The following SEC24D variants were observed in gnomAD, a reference collection of about 807,000 sequenced individuals.
SEC24D encodes the protein SEC24 homolog D, COPII component, also known as protein transport protein Sec24D.
A neutral mutation model predicts 116.9 loss-of-function variants in SEC24D; 69 were observed. That is an observed-to-expected ratio of 0.59 (90% CI 0.49 to 0.72). The LOEUF (loss-of-function observed/expected upper bound fraction) is 0.72, where lower values mean the gene tolerates loss of function less well. Among genes scored for constraint, SEC24D ranks in the 30% least tolerant of loss-of-function variants. The pLI is 0.00. For synonymous variants in SEC24D, 405 were observed against 442.8 expected, an observed-to-expected ratio of 0.91 and a Z score of 1.07; for missense variants, 1,131 against 1,264.1, an observed-to-expected ratio of 0.89 and a Z score of 1.60.
At chr4:118,834,412 G>A (rs1397926737) in intron 1 of SEC24D, among the ~76,000 whole-genome samples, 2 of 151,994 alleles carry the variant, frequency 1.3e-5, no homozygotes, top group Admixed American at 6.6e-5. Flanking sequence ...ATATTTAGGG[G>A]ACTAAGGAAA....
intron 2 of SEC24D, among the ~76,000 whole-genome samples, chr4:118,828,121 T>G (rs1307515945): frequency 6.6e-6 from 1 of 152,028 alleles, no homozygotes; most frequent in East Asian, 1.9e-4. Flanking sequence ...TACTTTTTTT[T>G]TTTTTGAGAC....
Position 118,815,668 on chromosome 4 carries a change from C to T in SEC24D, c.456G>A (p.Leu152=). 1 of 1,614,044 alleles carries T rather than the reference C, an allele frequency of 6.2e-7. No homozygotes were observed. Among genetic ancestry groups the T allele is most frequent in the South Asian group, 1.1e-5 (1 of 91,062 alleles). ...GCTGTGGAGGTCGTGGAGGAGTCTG[C>T]AATGATGTGGCTGACAGAGGGCCAG... ...GPPGPLSATS[L]QTPPRPPQPS... The change falls in exon 5 of 23, where the codon TTG becomes TTA. Residue 152 remains leucine, a synonymous_variant. Transcript: ENST00000280551.
intron 2 of SEC24D, among the ~76,000 whole-genome samples, chr4:118,829,875 T>G (rs751913995): frequency 6.6e-6 from 1 of 150,716 alleles, no homozygotes; most frequent in Admixed American, 6.6e-5. Flanking sequence ...TAAGCATAAA[T>G]GGAGATACGA....
chr4:118,811,036 A>G (rs1370732424), intron 6 of SEC24D, among the ~76,000 whole-genome samples: 4 of 152,206 alleles, frequency 2.6e-5, no homozygotes, highest in Non-Finnish European at 5.9e-5. Flanking sequence ...CTGAGAATTG[A>G]CCATTAGATT....
chr4:118,805,971 C>G lies in SEC24D; in HGVS notation c.802-17G>C. On this transcript the variant is annotated splice_polypyrimidine_tract_variant and intron_variant, in intron 6 of 22. Transcript: ENST00000280551. ...CACCTGGATCTGATAAATAAGACAT[C>G]AAGAGCCCGTTAAAGTAGGTTCCAG... 1 of 1,531,126 alleles carries G rather than the reference C, an allele frequency of 6.5e-7. No homozygotes were observed. The highest frequency in any genetic ancestry group is 1.2e-5 in the South Asian group (1 of 85,066). The allele number at this position is 1,531,126 out of a possible 1,614,324, so 94.8% of individuals were successfully genotyped here.
rs1730115679 is a variant in SEC24D, at chr4:118,815,690, C to T, written c.434G>A (p.Gly145Asp). The change falls in exon 5 of 23, where the codon GGC becomes GAC. Residue 145 changes from glycine (G) to aspartate (D), a missense_variant. By Grantham distance (94) the Gly-to-Asp change is moderately conservative. Transcript: ENST00000280551. ...GMAPPSQGPPGPLSATSLQTP... is the reference protein window; with the variant it reads ...GMAPPSQGPPDPLSATSLQTP... ...CTGCAATGATGTGGCTGACAGAGGG[C>T]CAGGGGGTCCCTGGCTTGGAGGAGC... The T allele has an allele frequency of 3.1e-6, 5 of 1,614,028 alleles. No individual in the cohort carries two copies. Among genetic ancestry groups the T allele is most frequent in the Middle Eastern group, 1.6e-4 (1 of 6,062 alleles).
At chr4:118,810,074 C>CTCTGTGTG (rs776835322) in intron 6 of SEC24D, among the ~76,000 whole-genome samples, 42 of 38,610 alleles carry the variant, frequency 1.1e-3, no homozygotes, top group Non-Finnish European at 1.5e-3. Flanking sequence ...TCAGAGGTAG[C>CTCTGTGTG]TGTGTGTGTG....
chr4:118,725,792 G>C (rs553596451), intron 22 of SEC24D, among the ~76,000 whole-genome samples: 1 of 152,296 alleles, frequency 6.6e-6, no homozygotes, highest in South Asian at 2.1e-4. Flanking sequence ...ACAGGTGTCA[G>C]GATGACACAG....
rs1488777499 is a variant in SEC24D, at chr4:118,731,326, T to C, written c.2858A>G (p.Asn953Ser). The C allele has an allele frequency of 1.2e-6, 2 of 1,609,670 alleles. No homozygotes were observed. The highest frequency in any genetic ancestry group is 1.7e-5 in the Admixed American group (1 of 60,024). Reference protein sequence around the residue: ...IFNVPSFAHINTDMTLLPEVG... With the variant: ...IFNVPSFAHISTDMTLLPEVG... ...GAAAATAATACTTACCATATCTGTG[T>C]TGATATGTGCAAAAGATGGCACATT... The change falls in exon 21 of 23, where the codon AAC becomes AGC. Residue 953 changes from asparagine (N) to serine (S), a missense_variant. Asn to Ser is a conservative substitution (Grantham distance 46). Transcript: ENST00000280551.
In SEC24D at chr4:118,753,431, T is replaced by A. The variant is rs1726934404; in HGVS notation, c.1422-543A>T. Reference sequence around the variant, plus strand: ...TAGATTTGGGGAACTATATACCTTATAAACACATAGTATAAATATATAAAA... The same window carrying A: ...TAGATTTGGGGAACTATATACCTTAAAAACACATAGTATAAATATATAAAA... On this transcript the variant is annotated intron_variant, in intron 11 of 22. Coordinates refer to ENST00000280551, the MANE Select transcript of SEC24D (RefSeq NM_014822.4). Among the ~76,000 whole-genome samples the A allele has an allele frequency of 2.6e-5, 4 of 152,102 alleles. 1 individual carries two copies. The highest frequency in any genetic ancestry group is 9.7e-5 in the African/African-American group (4 of 41,440).
At chr4:118,726,659 A>C (rs572298196) in intron 22 of SEC24D, among the ~76,000 whole-genome samples, 2 of 152,354 alleles carry the variant, frequency 1.3e-5, no homozygotes, top group East Asian at 3.9e-4. Context: ...TAGAAAATAC[A>C]AGTGGAAGGA....
At chr4:118,825,311 G>T (rs1476200911) in intron 2 of SEC24D, 1 of 285,656 alleles carries the variant, frequency 3.5e-6, no homozygotes, top group East Asian at 8.8e-5. Context: ...TGAACAGCTG[G>T]GGGACTGCTC....
intron 8 of SEC24D, among the ~76,000 whole-genome samples, chr4:118,784,176 T>C (rs1461236142): frequency 6.6e-6 from 1 of 152,200 alleles, no homozygotes; most frequent in Non-Finnish European, 1.5e-5. Flanking sequence ...GAGAGCATTT[T>C]TGAAAACAGG....
In SEC24D at chr4:118,744,974, G is replaced by T; in HGVS notation, c.1794C>A (p.Asp598Glu). 6.2e-7 allele frequency: 1 copy of T among 1,608,388 alleles called. No homozygotes were observed. Among genetic ancestry groups the T allele is most frequent in the Non-Finnish European group, 8.5e-7 (1 of 1,176,972 alleles). The change falls in exon 14 of 23, where the codon GAC becomes GAA. Residue 598 changes from aspartate (D) to glutamate (E), a missense_variant. Coordinates refer to ENST00000280551, the MANE Select transcript of SEC24D (RefSeq NM_014822.4). ...CTTTGTCTGTATTAACCAGTTTTTT[G>T]TCATCTCTGTTTTTGAGCTTCCCTG... ...EAPGKLKNRD[D>E]KKLVNTDKEK...
At chr4:118,771,216 T>C (rs1475896591) in intron 8 of SEC24D, among the ~76,000 whole-genome samples, 2 of 152,238 alleles carry the variant, frequency 1.3e-5, no homozygotes, top group Non-Finnish European at 2.9e-5. Context: ...GCCTAAGTTA[T>C]CTTTTTTCCT....
chr4:118,782,879 A>C (rs867560676), intron 8 of SEC24D, among the ~76,000 whole-genome samples: 18 of 152,200 alleles, frequency 1.2e-4, no homozygotes, highest in African/African-American at 4.1e-4. Context: ...AGCCGTGAGC[A>C]AGACTCCTTG....
Position 118,795,355 on chromosome 4 carries a change from C to T in SEC24D, c.1041+2328G>A, listed in dbSNP as rs989938702. On this transcript the variant is annotated intron_variant, in intron 8 of 22. Coordinates refer to ENST00000280551, the MANE Select transcript of SEC24D (RefSeq NM_014822.4). ...TCCCGAGTAGCTGGGACTACAGGCACACACCACCATACCGGGCTAATTTTT... is the reference window on the plus strand; with the variant it reads ...TCCCGAGTAGCTGGGACTACAGGCATACACCACCATACCGGGCTAATTTTT... Among the ~76,000 whole-genome samples the T allele has an allele frequency of 2.7e-4, 39 of 146,000 alleles. No individual in the cohort carries two copies. The South Asian group carries it at 2.8e-3, about 11-fold the overall frequency.
In SEC24D at chr4:118,792,011, T is replaced by TTCCCGGCCTCA. The variant is rs1459385377; in HGVS notation, c.1041+5661_1041+5671dup. 2.7e-5 allele frequency among the ~76,000 whole-genome samples: 4 copies of TTCCCGGCCTCA among 149,008 alleles called. No homozygotes were observed. In the East Asian group the frequency reaches 8.2e-4, roughly 30 times the overall value. On this transcript the variant is annotated intron_variant, in intron 8 of 22. Transcript: ENST00000280551. ...TTGTCTGGGAAGTGAGAAGCGCCTC[T>TTCCCGGCCTCA]TCCCGGCCTCATCCCGTCTAGGAAG...
intron 22 of SEC24D, 109 bp downstream of exon 22, chr4:118,728,452 G>T: frequency 1.5e-6 from 1 of 651,708 alleles, no homozygotes; most frequent in Non-Finnish European, 2.6e-6. Flanking sequence ...GTGATGGTGT[G>T]AGTTTTTAAA....
Sources: allele counts gnomAD v4.1 joint callset (sites outside exome capture counted in the v4.1 genomes callset), GRCh38; gene constraint gnomAD v4.1.1; transcripts MANE v1.5; gene names NCBI Gene and HGNC (gene_info 2026-07-23, HGNC 2026-07-21).